The following CSMD3 variants were observed in gnomAD, a reference collection of about 807,000 sequenced individuals.
CSMD3 encodes CUB and sushi domain-containing protein 3.
A neutral mutation model predicts 435.2 loss-of-function variants in CSMD3; 177 were observed. That is an observed-to-expected ratio of 0.41 (90% CI 0.36 to 0.46). The LOEUF is 0.46. Ranked by LOEUF, CSMD3 falls within the 20% of genes least tolerant of loss-of-function variation. The probability of loss-of-function intolerance (pLI) is 0.34; values close to 1 mark genes in which losing one functional copy is unlikely to be tolerated. For synonymous variants in CSMD3, 1,656 were observed against 1,520.5 expected (o/e 1.09, Z -2.07); for missense variants, 4,265 against 4,504.6 (o/e 0.95, Z 1.52).
intron 13 of CSMD3, among the ~76,000 whole-genome samples, chr8:112,730,870 A>C (rs2077059570): frequency 6.6e-6 from 1 of 152,162 alleles, no homozygotes; most frequent in Non-Finnish European, 1.5e-5. Context: ...ATAAATCCAG[A>C]CAACTGTATC....
intron 1 of CSMD3, among the ~76,000 whole-genome samples, chr8:113,373,863 G>A (rs1315548041): frequency 6.6e-6 from 1 of 151,984 alleles, no homozygotes; most frequent in Non-Finnish European, 1.5e-5. Flanking sequence ...ACTCCTTTGG[G>A]GAGAGTTGTC....
intron 11 of CSMD3, among the ~76,000 whole-genome samples, chr8:112,835,273 G>C (rs753862221): frequency 6.6e-6 from 1 of 151,760 alleles, no homozygotes; most frequent in African/African-American, 2.4e-5. Flanking sequence ...ATCTTTCTGT[G>C]AATCTTGCAC....
At chr8:112,598,502 G>A in intron 22 of CSMD3, among the ~76,000 whole-genome samples, 2 of 145,890 alleles carry the variant, frequency 1.4e-5, no homozygotes, top group East Asian at 2.0e-4. Flanking sequence ...TTTCTTCACA[G>A]AATTGGAAAA....
At chr8:112,854,246 C>T (rs1185860118) in intron 11 of CSMD3, among the ~76,000 whole-genome samples, 8 of 152,054 alleles carry the variant, frequency 5.3e-5, no homozygotes, top group Admixed American at 5.2e-4. Context: ...CAAGAGTGAG[C>T]CTAAGACTTT....
Position 113,383,611 on chromosome 8 carries a change from T to A in CSMD3, c.178+53066A>T, listed in dbSNP as rs368049090. 2.7e-4 allele frequency among the ~76,000 whole-genome samples: 41 copies of A among 152,224 alleles called. 1 individual carries two copies. The highest frequency in any genetic ancestry group is 9.6e-4 in the African/African-American group (40 of 41,550). The stretch of plus-strand genomic sequence containing the variant: ...ATGAGGTTCATTTTGATGATGTCGA[T>A]TTTCAGTGCCTGCAGATCATCCAGG... On this transcript the variant is annotated intron_variant, in intron 1 of 70. Transcript: ENST00000297405.
rs184297123 is a variant in CSMD3, at chr8:112,843,693, G to A, written c.1756-13904C>T. 1.3e-4 allele frequency among the ~76,000 whole-genome samples: 20 copies of A among 151,752 alleles called. No homozygotes were observed. In the East Asian group the frequency reaches 3.5e-3, roughly 27 times the overall value. ...AAGACTGGGAATGGACCTCAGCTAAGAGCCAAGAAAAAATAAAGATATTAA... is the reference window on the plus strand; with the variant it reads ...AAGACTGGGAATGGACCTCAGCTAAAAGCCAAGAAAAAATAAAGATATTAA... On this transcript the variant is annotated intron_variant, in intron 11 of 70. Transcript: ENST00000297405.
At chr8:112,247,420 A>G (rs1586527243) in intron 63 of CSMD3, among the ~76,000 whole-genome samples, 1 of 152,282 alleles carries the variant, frequency 6.6e-6, no homozygotes, top group African/African-American at 2.4e-5. Context: ...TAAGACACCA[A>G]AAAATCCAAC....
intron 32 of CSMD3, among the ~76,000 whole-genome samples, chr8:112,426,289 G>C (rs1813062704): frequency 6.6e-6 from 1 of 152,056 alleles, no homozygotes; most frequent in African/African-American, 2.4e-5. Context: ...CATTTTAATA[G>C]GTAGTTGGTA....
intron 1 of CSMD3, among the ~76,000 whole-genome samples, chr8:113,329,664 T>A (rs983536535): frequency 1.3e-5 from 2 of 150,886 alleles, no homozygotes; most frequent in African/African-American, 4.9e-5. Context: ...CATATAGAGA[T>A]CCACACCCAG....
chr8:112,793,256 A>C (rs1372928951), intron 13 of CSMD3, among the ~76,000 whole-genome samples: 1 of 149,012 alleles, frequency 6.7e-6, no homozygotes, highest in Non-Finnish European at 1.5e-5. Context: ...TAAGATAAAG[A>C]AATTTGCTCA....
chr8:112,582,743 G>C (rs955559175), intron 23 of CSMD3, among the ~76,000 whole-genome samples: 1 of 152,018 alleles, frequency 6.6e-6, no homozygotes, highest in African/African-American at 2.4e-5. Flanking sequence ...TAACCCTCAA[G>C]GTGATGGTAT....
At chr8:113,082,786 G>A (rs1435970337) in intron 5 of CSMD3, among the ~76,000 whole-genome samples, 1 of 151,954 alleles carries the variant, frequency 6.6e-6, no homozygotes, top group Non-Finnish European at 1.5e-5. Context: ...TCCTATAGTT[G>A]AGAAATACAA....
rs575534191 is a variant in CSMD3, at chr8:112,868,821, T to G, written c.1634-9555A>C. Among the ~76,000 whole-genome samples, 15 of 152,168 alleles carry G rather than the reference T, an allele frequency of 9.9e-5. No individual in the cohort carries two copies. In the South Asian group the frequency reaches 3.1e-3, roughly 32 times the overall value. ...AATTGAATATCCACTTGCAAAATAA[T>G]GAAATTGGGCCCTTGTCTTATACCT... On this transcript the variant is annotated intron_variant, in intron 10 of 70. Transcript: ENST00000297405.
At chr8:113,094,360 GTAAC>G (rs1203950671) in intron 5 of CSMD3, among the ~76,000 whole-genome samples, 1 of 151,970 alleles carries the variant, frequency 6.6e-6, no homozygotes, top group Non-Finnish European at 1.5e-5. Flanking sequence ...TTTAGTTACT[GTAAC>G]TTTTTCCTCC....
At chr8:112,896,087 T>C (rs1441352890) in intron 10 of CSMD3, among the ~76,000 whole-genome samples, 2 of 151,514 alleles carry the variant, frequency 1.3e-5, no homozygotes, top group Admixed American at 6.6e-5. Flanking sequence ...TCCCAGTGAA[T>C]GTGATGTGGT....
chr8:113,266,066 A>G (rs556968821), intron 3 of CSMD3, among the ~76,000 whole-genome samples: 1 of 151,470 alleles, frequency 6.6e-6, no homozygotes, highest in South Asian at 2.1e-4. Context: ...CTAAAATCCA[A>G]CTGTTTTGCC....
intron 38 of CSMD3, among the ~76,000 whole-genome samples, chr8:112,359,272 C>A (rs1337747815): frequency 6.6e-6 from 1 of 152,132 alleles, no homozygotes; most frequent in Admixed American, 6.6e-5. Context: ...TATATGTATT[C>A]CTTCATTCCT....
At chr8:112,468,404 C>T (rs879503120) in intron 32 of CSMD3, among the ~76,000 whole-genome samples, 3 of 151,976 alleles carry the variant, frequency 2.0e-5, no homozygotes, top group Admixed American at 6.6e-5. Context: ...TCTACTTTGA[C>T]TGTCATCCTA....
chr8:113,173,192 T>C (rs1254035204), intron 4 of CSMD3, among the ~76,000 whole-genome samples: 1 of 152,144 alleles, frequency 6.6e-6, no homozygotes, highest in Non-Finnish European at 1.5e-5. Context: ...TGCATAACTA[T>C]GCATATAGAG....
Sources: gnomAD v4.1 joint callset for allele counts (sites outside exome capture counted in the v4.1 genomes callset) on GRCh38, gnomAD v4.1.1 for gene constraint, MANE v1.5 for transcripts, NCBI Gene and HGNC (gene_info 2026-07-23, HGNC 2026-07-21) for gene names.